Variants in SERPINB9 observed in about 807,000 individuals in gnomAD.
SERPINB9 encodes serpin family B member 9.
A neutral mutation model predicts 27.2 loss-of-function variants in SERPINB9; 20 were observed. The observed-to-expected ratio is 0.74, with a 90% confidence interval of 0.52 to 1.07. The LOEUF (loss-of-function observed/expected upper bound fraction) is 1.07, where lower values mean the gene tolerates loss of function less well. Ranked by LOEUF, SERPINB9 falls within the 50% of genes least tolerant of loss-of-function variation. SERPINB9 has a pLI of 0.00. For missense variants in SERPINB9, 476 were observed against 460.1 expected (o/e 1.03, Z -0.32); for synonymous variants, 189 against 180.0 (o/e 1.05, Z -0.40).
chr6:2,890,120 C>A lies in SERPINB9; in HGVS notation c.*43G>T. The A allele has an allele frequency of 6.3e-7, 1 of 1,578,184 alleles. No homozygotes were observed. The highest frequency in any genetic ancestry group is 8.6e-7 in the Non-Finnish European group (1 of 1,159,664). On this transcript the variant is annotated 3_prime_UTR_variant, in exon 7 of 7. Coordinates refer to ENST00000380698, the MANE Select transcript of SERPINB9 (RefSeq NM_004155.6). The surrounding 1 kb of genome is among the most constrained non-coding windows in gnomAD (Gnocchi z 6.2). ...TGGAGCTGTAGTGGGGATCTGGGGA[C>A]ACAGGAAGAGGGAAATGGCCGAGTG...
At chr6:2,895,917 T>C in intron 3 of SERPINB9, 136 bp downstream of exon 3, 6 of 900,624 alleles carry the variant, frequency 6.7e-6, no homozygotes, top group Non-Finnish European at 9.7e-6. Context: ...TGAGACCCCA[T>C]CTTAGAAAAA....
Position 2,888,012 on chromosome 6 carries a change from AT to A in SERPINB9, c.*2150del, listed in dbSNP as rs899821217. On this transcript the variant is annotated 3_prime_UTR_variant, in exon 7 of 7. Coordinates refer to ENST00000380698, the MANE Select transcript of SERPINB9 (RefSeq NM_004155.6). ...AAAACAAACAAATGTCTTTCATCTC[AT>A]TTTTTACTCAGCATTATCTATCAAA... is the stretch of plus-strand genomic sequence containing the variant. 15 of 152,162 alleles carry A rather than the reference AT, an allele frequency of 9.9e-5. No individual in the cohort carries two copies. The highest frequency in any genetic ancestry group is 3.6e-4 in the African/African-American group (15 of 41,500). The allele number at this position is 152,162 out of a possible 1,614,324, so 9.4% of individuals were successfully genotyped here.
chr6:2,891,998 G>C lies in SERPINB9; in HGVS notation c.568-10C>G, dbSNP rs990953011. 1.3e-6 allele frequency: 2 copies of C among 1,596,624 alleles called. No homozygotes were observed. The highest frequency in any genetic ancestry group is 1.7e-5 in the Admixed American group (1 of 59,218). On this transcript the variant is annotated splice_polypyrimidine_tract_variant and intron_variant, in intron 5 of 6. Transcript: ENST00000380698. This position sits in a 1 kb window ranked among gnomAD's most constrained non-coding sequence, Gnocchi z 4.0. ...CTGGCCTTTGCTCCTCCTGGGGGAA[G>C]GATTATTGAAAGACGCAATTAAAAC...
chr6:2,895,226 A>C (rs999965833), intron 4 of SERPINB9, among the ~76,000 whole-genome samples, 165 bp downstream of exon 4: 1 of 152,108 alleles, frequency 6.6e-6, no homozygotes, highest in Non-Finnish European at 1.5e-5. Context: ...AACACCCGTG[A>C]AATTAGAGGG....
Position 2,895,613 on chromosome 6 carries a change from C to A in SERPINB9, c.307-105G>T, listed in dbSNP as rs1198909367. 1.6e-5 allele frequency: 12 copies of A among 732,994 alleles called. No homozygotes were observed. The East Asian group carries it at 2.4e-4, about 15-fold the overall frequency. 45.4% of individuals were successfully genotyped at this position (732,994 alleles called of 1,614,324 possible). A position where few individuals can be genotyped will look rare whatever the true frequency, so the allele number is the denominator to read the frequency against. ...ATCTTTTTTTAATAAAAAGAATATACATAACTCTTTAAAAGTGATCATATG... is the reference window on the plus strand; with the variant it reads ...ATCTTTTTTTAATAAAAAGAATATAAATAACTCTTTAAAAGTGATCATATG... On this transcript the variant is annotated intron_variant, in intron 3 of 6. Transcript: ENST00000380698.
rs767142959 is a variant in SERPINB9, at chr6:2,894,532, T to C, written c.424+859A>G. ...ACTAAAGGAGCTTAAGTGGAAGACA[T>C]GAAAAGTCAGGAGTGACCTTAGCAG... On this transcript the variant is annotated intron_variant, in intron 4 of 6. Coordinates refer to ENST00000380698, the MANE Select transcript of SERPINB9 (RefSeq NM_004155.6). This position sits in a 1 kb window ranked among gnomAD's most constrained non-coding sequence, Gnocchi z 4.7. 2.6e-5 allele frequency among the ~76,000 whole-genome samples: 4 copies of C among 152,074 alleles called. No homozygotes were observed. The highest frequency in any genetic ancestry group is 6.5e-5 in the Admixed American group (1 of 15,274).
intron 2 of SERPINB9, 49 bp from the exon 3 acceptor site, chr6:2,896,239 C>T (rs201560076): frequency 7.3e-5 from 116 of 1,580,230 alleles, no homozygotes; most frequent in Middle Eastern, 5.1e-4. Context: ...TCTTTGATGG[C>T]TGGGGAGAGG....
intron 3 of SERPINB9, 36 bp downstream of exon 3, chr6:2,896,017 G>C (rs754091779): frequency 6.3e-7 from 1 of 1,591,314 alleles, no homozygotes. Flanking sequence ...CAGGTATGTT[G>C]AATGCAACTT....
intron 1 of SERPINB9, among the ~76,000 whole-genome samples, chr6:2,901,179 G>A (rs529543244): frequency 5.9e-5 from 9 of 152,276 alleles, no homozygotes; most frequent in Admixed American, 1.3e-4. Flanking sequence ...AAGTGAGTGC[G>A]TCCTGGACAG....
At position 2,889,841 on chromosome 6, in the gene SERPINB9, G is replaced by A. The variant is rs1260770792; in HGVS notation, c.*322C>T. ...AGGCAGCGGGTTAAGGAATGTATTC[G>A]CAGTGTCAGGAAAGCACAGGGTCGC... On this transcript the variant is annotated 3_prime_UTR_variant, in exon 7 of 7. Coordinates refer to ENST00000380698, the MANE Select transcript of SERPINB9 (RefSeq NM_004155.6). 5 of 257,916 alleles carry A rather than the reference G, an allele frequency of 1.9e-5. No homozygotes were observed. Among genetic ancestry groups the A allele is most frequent in the East Asian group, 1.5e-4 (2 of 13,586 alleles). 16.0% of individuals were successfully genotyped at this position (257,916 alleles called of 1,614,324 possible). A position where few individuals can be genotyped will look rare whatever the true frequency, so the allele number is the denominator to read the frequency against.
chr6:2,898,801 AAG>A (rs1297565984), intron 2 of SERPINB9, among the ~76,000 whole-genome samples: 3 of 151,888 alleles, frequency 2.0e-5, no homozygotes, highest in African/African-American at 7.2e-5. Context: ...GCGACAGAGC[AAG>A]ACTCTGTCTC....
chr6:2,900,689 A>G (rs1768168607), intron 1 of SERPINB9, 68 bp from the exon 2 acceptor site: 1 of 1,349,694 alleles, frequency 7.4e-7, no homozygotes, highest in Non-Finnish European at 1.0e-6. Flanking sequence ...TACTTACTAC[A>G]GGGCAATTTT....
intron 2 of SERPINB9, 107 bp from the exon 3 acceptor site, chr6:2,896,297 C>T: frequency 2.1e-6 from 2 of 932,530 alleles, no homozygotes. Flanking sequence ...AGCCATTCTG[C>T]CTGAATGGAT....
At chr6:2,899,176 G>T (rs1384926364) in intron 2 of SERPINB9, among the ~76,000 whole-genome samples, 1 of 152,030 alleles carries the variant, frequency 6.6e-6, no homozygotes, top group Non-Finnish European at 1.5e-5. Flanking sequence ...TTATCAGTGA[G>T]CCTAAAACAT....
intron 2 of SERPINB9, among the ~76,000 whole-genome samples, chr6:2,897,737 CACAT>C (rs1486275589): frequency 6.6e-6 from 1 of 151,994 alleles, no homozygotes; most frequent in African/African-American, 2.4e-5. Context: ...AAAGAAAACA[CACAT>C]ACATACAAAA....
chr6:2,896,063 T>G lies in SERPINB9; in HGVS notation c.296A>C (p.Gln99Pro). ...ATTGATTCAACTTACTGAGAGGAAC[T>G]GACAAGTTTTCTCTCCAAAGAGCCT... is the stretch of plus-strand genomic sequence containing the variant. The part of the protein sequence containing the change: ...ANRLFGEKTC[Q>P]FLSTFKESCL... Residue 99 changes from glutamine (Q) to proline (P), a missense_variant, in exon 3 of 7, where the codon CAG becomes CCG. Transcript: ENST00000380698. 6.2e-7 allele frequency: 1 copy of G among 1,613,146 alleles called. No individual in the cohort carries two copies. Among genetic ancestry groups the G allele is most frequent in the Non-Finnish European group, 8.5e-7 (1 of 1,179,792 alleles).
intron 2 of SERPINB9, among the ~76,000 whole-genome samples, chr6:2,899,570 T>C (rs1768123803): frequency 6.6e-6 from 1 of 152,258 alleles, no homozygotes; most frequent in Non-Finnish European, 1.5e-5. Context: ...AATGTGCACA[T>C]AGCTTGCCAT....
At position 2,890,833 on chromosome 6, in the gene SERPINB9, G is replaced by A. The variant is rs746021301; in HGVS notation, c.724-263C>T. Among the ~76,000 whole-genome samples, 5 of 152,278 alleles carry A rather than the reference G, an allele frequency of 3.3e-5. No homozygotes were observed. Among genetic ancestry groups the A allele is most frequent in the African/African-American group, 1.2e-4 (5 of 41,540 alleles). On this transcript the variant is annotated intron_variant, in intron 6 of 6. Coordinates refer to ENST00000380698, the MANE Select transcript of SERPINB9 (RefSeq NM_004155.6). This position sits in a 1 kb window ranked among gnomAD's most constrained non-coding sequence, Gnocchi z 6.2. ...CCTCTCCTTATCCAACAACTCCAGA[G>A]ACATCTTGTATTGTGACAAGTGTCA...
chr6:2,891,727 C>T lies in SERPINB9; in HGVS notation c.723+106G>A. 3 of 1,317,636 alleles carry T rather than the reference C, an allele frequency of 2.3e-6. No homozygotes were observed. Among genetic ancestry groups the T allele is most frequent in the Non-Finnish European group, 3.1e-6 (3 of 970,192 alleles). The allele number at this position is 1,317,636 out of a possible 1,614,324, so 81.6% of individuals were successfully genotyped here. A position where few individuals can be genotyped will look rare whatever the true frequency, so the allele number is the denominator to read the frequency against. ...CAACGCCAAGTGCCTGCACAGTGTG[C>T]GTCTGCCGCATCGCCAACTCAGAAG... On this transcript the variant is annotated intron_variant, in intron 6 of 6. Coordinates refer to ENST00000380698, the MANE Select transcript of SERPINB9 (RefSeq NM_004155.6). The surrounding 1 kb of genome is among the most constrained non-coding windows in gnomAD (Gnocchi z 4.0).
Sources: gnomAD v4.1 joint callset for allele counts (sites outside exome capture counted in the v4.1 genomes callset) on GRCh38, gnomAD v4.1.1 for gene constraint, Gnocchi (gnomAD v3.1) non-coding constraint, MANE v1.5 for transcripts, NCBI Gene and HGNC (gene_info 2026-07-23, HGNC 2026-07-21) for gene names.